Variants in HLA-G observed in about 807,000 individuals in gnomAD.
HLA-G encodes major histocompatibility complex, class I, G.
HLA-G carries 34 observed loss-of-function variants against 39.3 expected under a neutral mutation model. The observed-to-expected ratio is 0.86, with a 90% CI of 0.66 to 1.15. HLA-G has a LOEUF of 1.15. HLA-G is among the 50% of genes most tolerant of loss of function. The pLI is 0.00. For missense variants in HLA-G, 419 were observed against 456.4 expected (o/e 0.92, Z 0.75); for synonymous variants, 183 against 185.8 (o/e 0.99, Z 0.12).
rs1211467330 is a variant in HLA-G, at chr6:29,829,833, A to C, written c.913A>C (p.Thr305Pro). 1.2e-6 allele frequency: 2 copies of C among 1,613,686 alleles called. No homozygotes were observed. The highest frequency in any genetic ancestry group is 2.2e-5 in the East Asian group (1 of 44,856). Residue 305 changes from threonine to proline, a missense_variant, in exon 5 of 7, where the codon ACC becomes CCC. Coordinates refer to ENST00000360323, the MANE Select transcript of HLA-G (RefSeq NM_001384290.1). The part of the protein sequence containing the change: ...MLRWKQSSLP[T>P]IPIMGIVAGL... Reference sequence around the variant, plus strand: ...TTTCCCAGAGCAGTCTTCCCTGCCCACCATCCCCATCATGGGTATCGTTGC... The same window carrying C: ...TTTCCCAGAGCAGTCTTCCCTGCCCCCCATCCCCATCATGGGTATCGTTGC...
At chr6:29,829,209 G>A (rs1632938) in intron 3 of HLA-G, among the ~76,000 whole-genome samples, 73,677 of 151,260 alleles carry the variant, frequency 0.49, 18,114 homozygotes, top group South Asian at 0.67. Flanking sequence ...GGTCAGAACC[G>A]GAGGTCCCTG....
In HLA-G at chr6:29,829,649, A is replaced by T. The variant is rs1442285056; in HGVS notation, c.851A>T (p.His284Leu). 1.2e-6 allele frequency: 2 copies of T among 1,613,910 alleles called. No homozygotes were observed. Among genetic ancestry groups the T allele is most frequent in the Non-Finnish European group, 1.7e-6 (2 of 1,179,976 alleles). Residue 284 changes from histidine (H) to leucine (L), a missense_variant, in exon 4 of 7, where the codon CAT becomes CTT. Coordinates refer to ENST00000360323, the MANE Select transcript of HLA-G (RefSeq NM_001384290.1). ...GGAGAGGAGCAGAGATACACGTGCC[A>T]TGTGCAGCATGAGGGGCTGCCGGAG... is the stretch of plus-strand genomic sequence containing the variant. ...PSGEEQRYTC[H>L]VQHEGLPEPL...
chr6:29,827,992 C>CG (rs1214996212), intron 1 of HLA-G, 55 bp from the exon 2 acceptor site: 4 of 1,592,402 alleles, frequency 2.5e-6, no homozygotes, highest in Non-Finnish European at 3.4e-6. Flanking sequence ...GCGCAGGACT[C>CG]GGCAGCCGCG....
At position 29,827,870 on chromosome 6, in the gene HLA-G, T is replaced by G. The variant is rs1156427519; in HGVS notation, c.26T>G (p.Leu9Arg). The G allele has an allele frequency of 1.9e-6, 3 of 1,613,120 alleles. No homozygotes were observed. The highest frequency in any genetic ancestry group is 2.5e-6 in the Non-Finnish European group (3 of 1,179,744). ...ATGGTGGTCATGGCGCCCCGAACCC[T>G]CTTCCTGCTGCTCTCGGGGGCCCTG... Reference protein sequence around the residue: MVVMAPRTLFLLLSGALTL... With the variant: MVVMAPRTRFLLLSGALTL... Residue 9 changes from leucine (L) to arginine (R), a missense_variant, in exon 1 of 7, where the codon CTC becomes CGC. By Grantham distance (102) the Leu-to-Arg change is moderately radical (BLOSUM62 -2). Transcript: ENST00000360323.
rs761874800 is a variant in HLA-G at position 29,828,310 on chromosome 6, G to A, written c.337G>A (p.Glu113Lys). 10 of 1,611,756 alleles carry A rather than the reference G, an allele frequency of 6.2e-6. No homozygotes were observed. The South Asian group carries it at 1.1e-4, about 18-fold the overall frequency. ...CCTGCGCGGCTACTACAACCAGAGCGAGGCCAGTGAGTAACTCCGGCCCAG... is the reference window on the plus strand; with the variant it reads ...CCTGCGCGGCTACTACAACCAGAGCAAGGCCAGTGAGTAACTCCGGCCCAG... ...QTLRGYYNQS[E>K]ASSHTLQWMI... is the part of the protein sequence containing the mutation. Residue 113 changes from glutamate to lysine, a missense_variant, in exon 2 of 7, where the codon GAG becomes AAG. By Grantham distance (56) the Glu-to-Lys change is moderately conservative. Coordinates refer to ENST00000360323, the MANE Select transcript of HLA-G (RefSeq NM_001384290.1).
chr6:29,830,510 C>A, intron 6 of HLA-G, 100 bp downstream of exon 6: 2 of 1,016,680 alleles, frequency 2.0e-6, no homozygotes, highest in African/African-American at 1.6e-5. Flanking sequence ...CTGGCCACAT[C>A]TCCTGTGGTC....
At chr6:29,827,069 G>T (rs776307751), upstream of HLA-G, 5 of 513,820 alleles carry the variant, frequency 9.7e-6, no homozygotes, top group South Asian at 5.9e-5. Flanking sequence ...AAACAAGCGG[G>T]AGTCACAGAT....
chr6:29,827,573 C>A (rs1224259774), upstream of HLA-G: 21 of 475,782 alleles, frequency 4.4e-5, no homozygotes, highest in Middle Eastern at 5.6e-4. Context: ...ACAAGAGTAG[C>A]GGGGTCAGGG....
chr6:29,829,458 C>T lies in HLA-G; in HGVS notation c.660C>T (p.Asp220=). The T allele has an allele frequency of 1.2e-6, 2 of 1,613,666 alleles. No individual in the cohort carries two copies. The highest frequency in any genetic ancestry group is 3.3e-4 in the Middle Eastern group (2 of 6,054). ...KTHVTHHPVF[D]YEATLRCWAL... ...ACGTGACCCACCACCCTGTCTTTGA[C>T]TATGAGGCCACCCTGAGGTGCTGGG... The change falls in exon 4 of 7, where the codon GAC becomes GAT. Residue 220 remains aspartate (D), a synonymous_variant. Transcript: ENST00000360323.
chr6:29,830,643 A>G (rs2113865313), intron 6 of HLA-G, 125 bp from the exon 7 acceptor site: 1 of 699,182 alleles, frequency 1.4e-6, no homozygotes, highest in South Asian at 1.5e-5. Flanking sequence ...TGTTGAGGGG[A>G]ACAGGGGACA....
chr6:29,827,888 G>A lies in HLA-G; in HGVS notation c.44G>A (p.Gly15Glu), dbSNP rs146376471. 4.3e-6 allele frequency: 7 copies of A among 1,613,218 alleles called. No individual in the cohort carries two copies. The highest frequency in any genetic ancestry group is 5.9e-6 in the Non-Finnish European group (7 of 1,179,732). The change falls in exon 1 of 7, where the codon GGG becomes GAG. Residue 15 changes from glycine to glutamate, a missense_variant. By Grantham distance (98) the Gly-to-Glu change is moderately conservative. This residue lies in a region of HLA-G where 91 missense variants were observed against 133.4 expected (regional missense o/e 0.68). Transcript: ENST00000360323. Reference protein sequence around the residue: ...APRTLFLLLSGALTLTETWAG... With the variant: ...APRTLFLLLSEALTLTETWAG... ...CGAACCCTCTTCCTGCTGCTCTCGG[G>A]GGCCCTGACCCTGACCGAGACCTGG...
chr6:29,828,489 G>A, intron 2 of HLA-G, 54 bp from the exon 3 acceptor site: 1 of 1,588,582 alleles, frequency 6.3e-7, no homozygotes, highest in Admixed American at 1.7e-5. Context: ...CCGCGGGTGG[G>A]TCCGGGCGAG....
chr6:29,828,396 C>G, intron 2 of HLA-G, 80 bp downstream of exon 2: 1 of 1,556,502 alleles, frequency 6.4e-7, no homozygotes. Flanking sequence ...CCCGAGTCTC[C>G]GGGTCTGGGA....
intron 5 of HLA-G, among the ~76,000 whole-genome samples, 193 bp downstream of exon 5, chr6:29,830,125 C>T (rs1320425849): frequency 2.0e-5 from 3 of 152,140 alleles, no homozygotes; most frequent in Non-Finnish European, 4.4e-5. Flanking sequence ...GATTTATTAC[C>T]TTGATGATTG....
At chr6:29,827,991 T>C (rs1629329) in intron 1 of HLA-G, 56 bp from the exon 2 acceptor site, 829,287 of 1,591,428 alleles carry the variant, frequency 0.52, 221,350 homozygotes, top group South Asian at 0.71. Flanking sequence ...GGCGCAGGAC[T>C]CGGCAGCCGC....
At chr6:29,826,991 T>C (rs781371736), upstream of HLA-G, 2 of 521,482 alleles carry the variant, frequency 3.8e-6, no homozygotes, top group Non-Finnish European at 7.9e-6. Context: ...TGTGGTACTT[T>C]GTCTTGAGGA....
rs1390270595 is a variant in HLA-G, at chr6:29,828,125, A to G, written c.152A>G (p.Tyr51Cys). 1.2e-6 allele frequency: 2 copies of G among 1,612,984 alleles called. No individual in the cohort carries two copies. The highest frequency in any genetic ancestry group is 1.7e-6 in the Non-Finnish European group (2 of 1,179,820). The change falls in exon 2 of 7, where the codon TAC becomes TGC. Residue 51 changes from tyrosine to cysteine, a missense_variant. Physicochemically the swap from Tyr to Cys is radical, Grantham distance 194 (BLOSUM62 -2). Transcript: ENST00000360323. The part of the protein sequence containing the change: ...RGEPRFIAMG[Y>C]VDDTQFVRFD... ...GAGCCCCGCTTCATCGCCATGGGCT[A>G]CGTGGACGACACGCAGTTCGTGCGG...
At position 29,828,280 on chromosome 6, in the gene HLA-G, C is replaced by T; in HGVS notation, c.307C>T (p.Gln103Ter). 2 of 1,613,506 alleles carry T rather than the reference C, an allele frequency of 1.2e-6. No homozygotes were observed. Among genetic ancestry groups the T allele is most frequent in the Non-Finnish European group, 1.7e-6 (2 of 1,179,768 alleles). ...CGCACAGACTGACAGAATGAACCTG[C>T]AGACCCTGCGCGGCTACTACAACCA... ...AHAQTDRMNL[Q>*]TLRGYYNQSE... The change falls in exon 2 of 7, where the codon CAG (glutamine) becomes TAG (stop). Residue 103 changes from glutamine to a stop codon, truncating the protein, a stop_gained. Transcript: ENST00000360323. LOFTEE classifies it high-confidence loss of function.
chr6:29,827,585 G>C, upstream of HLA-G: 1 of 509,966 alleles, frequency 2.0e-6, no homozygotes, highest in Admixed American at 2.9e-5. Flanking sequence ...GGGTCAGGGC[G>C]AAGTCCCAGG....
Sources: gnomAD v4.1 joint callset for allele counts (sites outside exome capture counted in the v4.1 genomes callset) on GRCh38, gnomAD v4.1.1 for gene constraint, gnomAD v4.1.1 regional missense constraint, MANE v1.5 for transcripts, NCBI Gene and HGNC (gene_info 2026-07-23, HGNC 2026-07-21) for gene names.